The following XIRP2 variants were observed in gnomAD, a reference collection of about 807,000 sequenced individuals.
The protein encoded by XIRP2 is xin actin-binding repeat-containing protein 2.
In XIRP2, 236 loss-of-function variants were observed where a neutral mutation model predicts 277.0. The observed-to-expected ratio is 0.85, with a 90% CI of 0.77 to 0.95. The LOEUF (loss-of-function observed/expected upper bound fraction) is 0.95, where lower values mean the gene tolerates loss of function less well. Ranked by LOEUF, XIRP2 falls within the 40% of genes least tolerant of loss-of-function variation. The pLI, the probability that XIRP2 is intolerant of heterozygous loss-of-function variation, is 0.00. For missense variants in XIRP2, 4,640 were observed against 4,157.5 expected (o/e 1.12, Z -3.19); for synonymous variants, 1,490 against 1,416.5 (o/e 1.05, Z -1.17).
chr2:166,954,461 C>A (rs1686113587), intron 2 of XIRP2, among the ~76,000 whole-genome samples: 1 of 152,008 alleles, frequency 6.6e-6, no homozygotes, highest in Admixed American at 6.6e-5. Context: ...CGCTTTTACA[C>A]TGTTGGTGGG....
intron 2 of XIRP2, among the ~76,000 whole-genome samples, chr2:167,009,545 A>G (rs1275347416): frequency 6.6e-6 from 1 of 152,022 alleles, no homozygotes; most frequent in Non-Finnish European, 1.5e-5. Flanking sequence ...GTGTCTTTAT[A>G]GCAGCATAAT....
chr2:167,188,202 A>G (rs1333793071), intron 3 of XIRP2, among the ~76,000 whole-genome samples: 1 of 152,160 alleles, frequency 6.6e-6, no homozygotes, highest in Non-Finnish European at 1.5e-5. Flanking sequence ...ATCATGCCCT[A>G]TATACTGTTT....
chr2:167,075,319 G>T (rs1054076168), intron 2 of XIRP2, among the ~76,000 whole-genome samples: 3 of 152,126 alleles, frequency 2.0e-5, no homozygotes, highest in Non-Finnish European at 2.9e-5. Flanking sequence ...GGCATAAAAG[G>T]CTATTGCCTA....
intron 2 of XIRP2, among the ~76,000 whole-genome samples, chr2:166,906,738 C>T (rs1190387019): frequency 6.6e-6 from 1 of 152,062 alleles, no homozygotes; most frequent in African/African-American, 2.4e-5. Context: ...AGGAGAATCA[C>T]TTGTTGCCAG....
chr2:167,259,614 G>A lies in XIRP2; in HGVS notation c.*1797G>A. ...CTATGGATATGTTTTCCATTCAAAT[G>A]GCACTTTAGCATATTGTTCTGTTTT... On this transcript the variant is annotated 3_prime_UTR_variant, in exon 11 of 11. Coordinates refer to ENST00000409195, the MANE Select transcript of XIRP2 (RefSeq NM_152381.6). The A allele has an allele frequency of 2.7e-6, 1 of 374,002 alleles. No individual in the cohort carries two copies. Among genetic ancestry groups the A allele is most frequent in the Non-Finnish European group, 5.0e-6 (1 of 201,516 alleles). 23.2% of individuals were successfully genotyped at this position (374,002 alleles called of 1,614,324 possible). A position where few individuals can be genotyped will look rare whatever the true frequency, so the allele number is the denominator to read the frequency against.
chr2:167,138,456 A>G (rs1490655945), intron 3 of XIRP2, among the ~76,000 whole-genome samples: 1 of 152,128 alleles, frequency 6.6e-6, no homozygotes, highest in Non-Finnish European at 1.5e-5. Context: ...ATACACTCCC[A>G]GGTTCCCAGT....
Position 167,251,700 on chromosome 2 carries a change from C to G in XIRP2, c.10308C>G (p.Thr3436=), listed in dbSNP as rs765273603. The G allele has an allele frequency of 1.2e-6, 2 of 1,613,342 alleles. No homozygotes were observed. Among genetic ancestry groups the G allele is most frequent in the South Asian group, 2.2e-5 (2 of 91,038 alleles). ...ESQIVESKMK[T]SSSHSSEAGK... ...AAATTGTTGAGTCGAAGATGAAAAC[C>G]TCTTCATCACATAGCTCAGAAGCTG... Residue 3436 remains threonine (T), a synonymous_variant, in exon 9 of 11, where the codon ACC becomes ACG. Transcript: ENST00000409195.
At chr2:167,140,381 C>T (rs1210213919) in intron 3 of XIRP2, among the ~76,000 whole-genome samples, 1 of 152,144 alleles carries the variant, frequency 6.6e-6, no homozygotes, top group Non-Finnish European at 1.5e-5. Flanking sequence ...GTGCAACAGG[C>T]TACTTTAAAA....
At position 167,243,976 on chromosome 2, in the gene XIRP2, C is replaced by G. The variant is rs779881856; in HGVS notation, c.2584C>G (p.Leu862Val). 5.0e-6 allele frequency: 8 copies of G among 1,613,964 alleles called. No homozygotes were observed. The highest frequency in any genetic ancestry group is 6.8e-6 in the Non-Finnish European group (8 of 1,179,936). Reference sequence around the variant, plus strand: ...AAAAGAAGTTCCTGATGCAGATTCTCTACAACGTGAGGAGATAATAGGTGG... The same window carrying G: ...AAAAGAAGTTCCTGATGCAGATTCTGTACAACGTGAGGAGATAATAGGTGG... ...ILKEVPDADS[L>V]QREEIIGGDV... The change falls in exon 9 of 11, where the codon CTA (leucine) becomes GTA (valine). Residue 862 changes from leucine (L) to valine (V), a missense_variant. Transcript: ENST00000409195.
chr2:167,012,562 CT>C (rs1221628101), intron 2 of XIRP2, among the ~76,000 whole-genome samples: 1 of 151,602 alleles, frequency 6.6e-6, no homozygotes, highest in Non-Finnish European at 1.5e-5. Context: ...AAGAGCCTTT[CT>C]TTCTAGATTT....
At chr2:167,196,456 T>G (rs942459787) in intron 3 of XIRP2, among the ~76,000 whole-genome samples, 3 of 120,648 alleles carry the variant, frequency 2.5e-5, no homozygotes, top group Non-Finnish European at 3.6e-5. Flanking sequence ...GTGTGTAGAC[T>G]GGCCACGATA....
At chr2:167,240,545 C>A in intron 6 of XIRP2, 119 bp from the exon 7 acceptor site, 2 of 770,550 alleles carry the variant, frequency 2.6e-6, no homozygotes, top group South Asian at 1.7e-5. Context: ...TAATTAGCAT[C>A]TCTCAATGTA....
chr2:166,984,585 A>G (rs186870356), intron 2 of XIRP2, among the ~76,000 whole-genome samples: 30 of 152,302 alleles, frequency 2.0e-4, no homozygotes, highest in South Asian at 4.1e-4. Flanking sequence ...ATATCATCTT[A>G]AGGTTTTTGA....
intron 2 of XIRP2, among the ~76,000 whole-genome samples, chr2:167,042,991 A>T (rs1051316744): frequency 6.6e-6 from 1 of 152,160 alleles, no homozygotes; most frequent in Non-Finnish European, 1.5e-5. Context: ...CATTCTCTGA[A>T]CACAGTGCAA....
intron 5 of XIRP2, among the ~76,000 whole-genome samples, chr2:167,229,723 A>T (rs1694699940): frequency 6.6e-6 from 1 of 152,110 alleles, no homozygotes; most frequent in African/African-American, 2.4e-5. Context: ...TTACAAACAA[A>T]TTATCATGCT....
chr2:166,918,695 A>G (rs766958807), intron 2 of XIRP2, among the ~76,000 whole-genome samples: 3 of 152,156 alleles, frequency 2.0e-5, no homozygotes, highest in Non-Finnish European at 4.4e-5. Context: ...GAGGACATCA[A>G]TGGGAAAGGT....
At chr2:167,065,070 A>G (rs1271608970) in intron 2 of XIRP2, among the ~76,000 whole-genome samples, 1 of 151,908 alleles carries the variant, frequency 6.6e-6, no homozygotes, top group African/African-American at 2.4e-5. Flanking sequence ...GTTTTGAGGA[A>G]CTGATATACT....
At chr2:167,232,199 C>T (rs534987346) in intron 5 of XIRP2, among the ~76,000 whole-genome samples, 39 of 151,982 alleles carry the variant, frequency 2.6e-4, no homozygotes, top group African/African-American at 7.2e-4. Flanking sequence ...AAAGAAGAAT[C>T]GTGGAAAGAA....
intron 2 of XIRP2, among the ~76,000 whole-genome samples, chr2:167,132,702 C>T (rs1023028313): frequency 1.3e-5 from 2 of 152,170 alleles, no homozygotes; most frequent in African/African-American, 4.8e-5. Flanking sequence ...ATCCTCTGTC[C>T]TCCCTCCCAG....
Sources: gnomAD v4.1 joint callset for allele counts (sites outside exome capture counted in the v4.1 genomes callset) on GRCh38, gnomAD v4.1.1 for gene constraint, MANE v1.5 for transcripts, NCBI Gene and HGNC (gene_info 2026-07-23, HGNC 2026-07-21) for gene names.